GLT8D1: variants seen among roughly 807,000 people sequenced by gnomAD.
GLT8D1 encodes glycosyltransferase 8 domain-containing protein 1.
Under a neutral mutation model 46.2 loss-of-function variants are expected in GLT8D1, and 41 were observed. That is an observed-to-expected ratio of 0.89 (90% CI 0.69 to 1.15). The LOEUF is 1.15. Ranked by LOEUF, GLT8D1 falls within the 50% of genes most tolerant of loss-of-function variation. The pLI is 0.00. For synonymous variants in GLT8D1, 150 were observed against 154.2 expected (o/e 0.97, Z 0.20); for missense variants, 408 against 449.3 (o/e 0.91, Z 0.83).
chr3:52,695,980 T>C lies in GLT8D1; in HGVS notation c.593A>G (p.Glu198Gly), dbSNP rs1353016714. 1 of 1,613,258 alleles carries C rather than the reference T, an allele frequency of 6.2e-7. No individual in the cohort carries two copies. The highest frequency in any genetic ancestry group is 8.5e-7 in the Non-Finnish European group (1 of 1,179,174). Residue 198 changes from glutamate (E) to glycine (G), a missense_variant, in exon 7 of 10, where the codon GAA becomes GGA. Physicochemically the swap from Glu to Gly is moderately conservative, Grantham distance 98. Coordinates refer to ENST00000266014, the MANE Select transcript of GLT8D1 (RefSeq NM_018446.4). ...LKPGHAAAFS[E>G]DCDSASTKVV... Reference sequence around the variant, plus strand: ...TTTAGTAGAGGCTGAATCACAATCTTCTGAAAATGCAGCTGCATGTCCTGG... The same window carrying C: ...TTTAGTAGAGGCTGAATCACAATCTCCTGAAAATGCAGCTGCATGTCCTGG...
At chr3:52,697,576 A>C (rs1401305322) in intron 4 of GLT8D1, 145 bp downstream of exon 4, 1 of 675,634 alleles carries the variant, frequency 1.5e-6, no homozygotes, top group Non-Finnish European at 2.6e-6. Context: ...AGTCCTAAAA[A>C]AAATATGTCA....
chr3:52,698,672 A>G (rs956332500), intron 3 of GLT8D1, among the ~76,000 whole-genome samples: 2 of 148,698 alleles, frequency 1.3e-5, no homozygotes, highest in African/African-American at 5.0e-5. Context: ...CAATAGGAAA[A>G]CTCCATCTCA....
chr3:52,696,385 C>T (rs1208352652), intron 5 of GLT8D1, 67 bp from the exon 6 acceptor site: 2 of 1,185,256 alleles, frequency 1.7e-6, no homozygotes, highest in Admixed American at 1.7e-5. Flanking sequence ...CACAGAAACT[C>T]CTAGGATGCT....
In GLT8D1 at chr3:52,694,899, T is replaced by G; in HGVS notation, c.1062A>C (p.Pro354=). Residue 354 remains proline (P), a synonymous_variant, in exon 10 of 10, where the codon CCA becomes CCC. Coordinates refer to ENST00000266014, the MANE Select transcript of GLT8D1 (RefSeq NM_018446.4). Reference sequence around the variant, plus strand: ...TTCGGATTAGGTTGAATTTGCCTGTTGGGTCTGGAATATACCATTTTTCCC... The same window carrying G: ...TTCGGATTAGGTTGAATTTGCCTGTGGGGTCTGGAATATACCATTTTTCCC... ...DVWEKWYIPD[P]TGKFNLIRRY... The G allele has an allele frequency of 6.2e-7, 1 of 1,612,524 alleles. No homozygotes were observed. The highest frequency in any genetic ancestry group is 1.3e-5 in the African/African-American group (1 of 75,028).
intron 1 of GLT8D1, among the ~76,000 whole-genome samples, chr3:52,704,328 G>A (rs2097341874): frequency 1.3e-5 from 2 of 151,404 alleles, no homozygotes; most frequent in Non-Finnish European, 2.9e-5. Flanking sequence ...GCGTGGTGGC[G>A]CATGCCTGTA....
rs1270334829 is a variant in GLT8D1 at position 52,700,328 on chromosome 3, G to C, written c.49C>G (p.Leu17Val). 6.2e-7 allele frequency: 1 copy of C among 1,613,722 alleles called. No homozygotes were observed. The highest frequency in any genetic ancestry group is 8.5e-7 in the Non-Finnish European group (1 of 1,179,718). ...TTATGGTGCAAAACCAGTAAGAAGA[G>C]AGCAACAGCCAGGACCAAGATGATG... Reference protein sequence around the residue: ...NIIILVLAVALFLLVLHHNFL... With the variant: ...NIIILVLAVAVFLLVLHHNFL... The change falls in exon 3 of 10, where the codon CTC (leucine) becomes GTC (valine). Residue 17 changes from leucine to valine, a missense_variant. Physicochemically the swap from Leu to Val is conservative, Grantham distance 32. Transcript: ENST00000266014.
At position 52,696,587 on chromosome 3, in the gene GLT8D1, T is replaced by G. The variant is rs752320771; in HGVS notation, c.402A>C (p.Glu134Asp). ...KIVNFDPKLL[E>D]GKVKEDPDQG... Reference sequence around the variant, plus strand: ...GGTCAGGATCCTCCTTTACTTTTCCTTCCAAAAGTTTAGGGTCAAAATTGA... The same window carrying G: ...GGTCAGGATCCTCCTTTACTTTTCCGTCCAAAAGTTTAGGGTCAAAATTGA... The change falls in exon 5 of 10, where the codon GAA becomes GAC. Residue 134 changes from glutamate to aspartate, a missense_variant. Physicochemically the swap from Glu to Asp is conservative, Grantham distance 45 (BLOSUM62 2). Transcript: ENST00000266014. The G allele has an allele frequency of 4.3e-6, 7 of 1,609,780 alleles. No homozygotes were observed. Among genetic ancestry groups the G allele is most frequent in the Non-Finnish European group, 6.0e-6 (7 of 1,176,024 alleles).
At chr3:52,704,363 G>T (rs1437432543) in intron 1 of GLT8D1, among the ~76,000 whole-genome samples, 1 of 150,602 alleles carries the variant, frequency 6.6e-6, no homozygotes, top group African/African-American at 2.5e-5. Flanking sequence ...GAAGGCTGAG[G>T]CAGGACAATC....
chr3:52,695,668 G>A, intron 7 of GLT8D1, 81 bp from the exon 8 acceptor site: 4 of 819,544 alleles, frequency 4.9e-6, no homozygotes, highest in Non-Finnish European at 8.0e-6. Context: ...GAGAAGAGCT[G>A]TTAAACTGAC....
intron 1 of GLT8D1, among the ~76,000 whole-genome samples, chr3:52,702,541 G>A (rs2097340197): frequency 6.6e-6 from 1 of 151,778 alleles, no homozygotes; most frequent in Non-Finnish European, 1.5e-5. Flanking sequence ...GCGACACCCT[G>A]TCTCAAAAAA....
intron 3 of GLT8D1, among the ~76,000 whole-genome samples, chr3:52,699,066 A>T (rs77594715): frequency 8.6e-6 from 1 of 116,406 alleles, no homozygotes; most frequent in Non-Finnish European, 1.8e-5. Context: ...CAGTGACATG[A>T]TATACAGAAA....
Position 52,695,562 on chromosome 3 carries a change from T to G in GLT8D1, c.671A>C (p.Tyr224Ser). Residue 224 changes from tyrosine to serine, a missense_variant, in exon 8 of 10, where the codon TAT (tyrosine) becomes TCT (serine). Transcript: ENST00000266014. ...AAGCTTACGAATTCTTTCCTTTTTA[T>G]AGTCAAGATAGCCAATGTAATTGTA... ...NQYNYIGYLD[Y>S]KKERIRKLSM... 6.2e-7 allele frequency: 1 copy of G among 1,605,050 alleles called. No individual in the cohort carries two copies. Among genetic ancestry groups the G allele is most frequent in the African/African-American group, 1.3e-5 (1 of 74,848 alleles).
In GLT8D1 at chr3:52,694,793, G is replaced by GCTAT. The variant is rs538714538; in HGVS notation, c.*48_*51dup. On this transcript the variant is annotated 3_prime_UTR_variant, in exon 10 of 10. Transcript: ENST00000266014. ...CTAGCAACTGTTACTTCCCACGCAT[G>GCTAT]CTATCTTCCAGGACTTCCTGAGAAA... The GCTAT allele has an allele frequency of 1.9e-4, 238 of 1,264,002 alleles. 2 individuals carry two copies. In the South Asian group the frequency reaches 2.3e-3, roughly 12 times the overall value. 78.3% of individuals were successfully genotyped at this position (1,264,002 alleles called of 1,614,324 possible).
In GLT8D1 at chr3:52,695,007, AG is replaced by A; in HGVS notation, c.953del (p.Pro318LeufsTer4). 1 of 1,612,522 alleles carries A rather than the reference AG, an allele frequency of 6.2e-7. No individual in the cohort carries two copies. Among genetic ancestry groups the A allele is most frequent in the South Asian group, 1.1e-5 (1 of 91,048 alleles). Reference sequence around the variant, plus strand: ...GTAACTTGGCAGCCTTTACAAACTGAGGTGAATATCGTTTTCCAGCACTGGA... The same window carrying A: ...GTAACTTGGCAGCCTTTACAAACTGAGTGAATATCGTTTTCCAGCACTGGA... ...LGSSAGKRYSPQFVKAAKLLH... is the reference protein window; with the variant it reads ...LGSSAGKRYSXQFVKAAKLLH... On this transcript the variant is annotated frameshift_variant, in exon 10 of 10. Coordinates refer to ENST00000266014, the MANE Select transcript of GLT8D1 (RefSeq NM_018446.4). LOFTEE classifies it high-confidence loss of function.
intron 1 of GLT8D1, 23 bp from the exon 2 acceptor site, chr3:52,700,519 C>G: frequency 8.2e-7 from 1 of 1,216,462 alleles, no homozygotes; most frequent in Non-Finnish European, 1.2e-6. Context: ...AACAAGCCCC[C>G]AAAGTCAGTA....
At chr3:52,696,680 CATTTTAGTT>C in intron 4 of GLT8D1, 21 bp from the exon 5 acceptor site, 1 of 1,294,320 alleles carries the variant, frequency 7.7e-7, no homozygotes. Flanking sequence ...TAAAACACTA[CATTTTAGTT>C]TCAAATAATG....
intron 5 of GLT8D1, 81 bp downstream of exon 5, chr3:52,696,461 C>T: frequency 1.0e-6 from 1 of 1,004,556 alleles, no homozygotes; most frequent in Non-Finnish European, 1.6e-6. Context: ...CAGGAAACTA[C>T]TTGCACTATA....
At chr3:52,700,564 CTTT>C (rs78696896) in intron 1 of GLT8D1, 68 bp from the exon 2 acceptor site, 958 of 532,640 alleles carry the variant, frequency 1.8e-3, no homozygotes, top group South Asian at 3.7e-3. Context: ...TGCCCTAACA[CTTT>C]TTTTTTTTTT....
chr3:52,697,296 A>ATTTGGATCAGGAT (rs1215543149), intron 4 of GLT8D1, among the ~76,000 whole-genome samples: 1 of 152,202 alleles, frequency 6.6e-6, no homozygotes, highest in Non-Finnish European at 1.5e-5. Context: ...CTGGGCCAGG[A>ATTTGGATCAGGAT]TTTGGATCAG....
Sources: allele counts gnomAD v4.1 joint callset (sites outside exome capture counted in the v4.1 genomes callset), GRCh38; gene constraint gnomAD v4.1.1; transcripts MANE v1.5; gene names NCBI Gene and HGNC (gene_info 2026-07-23, HGNC 2026-07-21).